LRRC53: variants seen among roughly 807,000 people sequenced by gnomAD.
LRRC53 encodes leucine rich repeat containing 53, also known as leucine-rich repeat-containing protein 53.
LRRC53 carries 25 observed loss-of-function variants against 13.6 expected under a neutral mutation model. The ratio of observed to expected loss-of-function variants is 1.83; its 90% CI spans 1.34 to 2.56. LRRC53 has a LOEUF of 2.56. Among genes scored for constraint, LRRC53 ranks in the 30% most tolerant of loss-of-function variants. The probability of loss-of-function intolerance (pLI) is 0.00; values close to 1 mark genes in which losing one functional copy is unlikely to be tolerated. For missense variants in LRRC53, 527 were observed against 275.8 expected, an observed-to-expected ratio of 1.91 and a Z score of -6.45; for synonymous variants, 204 against 109.8, an observed-to-expected ratio of 1.86 and a Z score of -5.37.
intron 1 of LRRC53, among the ~76,000 whole-genome samples, chr1:74,501,782 C>T (rs1022184431): frequency 6.6e-6 from 1 of 151,986 alleles, no homozygotes; most frequent in Admixed American, 6.6e-5. Context: ...CCACCGCATC[C>T]GGCCAACTTG....
chr1:74,505,702 C>A (rs1316215993), intron 1 of LRRC53, among the ~76,000 whole-genome samples: 1 of 152,148 alleles, frequency 6.6e-6, no homozygotes, highest in Non-Finnish European at 1.5e-5. Context: ...GTTGTCATTT[C>A]TCATTATCTC....
chr1:74,480,863 C>T lies in LRRC53; in HGVS notation c.194G>A (p.Ser65Asn), dbSNP rs752133437. 24 of 717,340 alleles carry T rather than the reference C, an allele frequency of 3.3e-5. 1 individual carries two copies. In the South Asian group the frequency reaches 3.6e-4, roughly 11 times the overall value. The allele number at this position is 717,340 out of a possible 1,614,324, so 44.4% of individuals were successfully genotyped here. Residue 65 changes from serine to asparagine, a missense_variant, in exon 3 of 5, where the codon AGC becomes AAC. Ser to Asn is a conservative substitution (Grantham distance 46). Coordinates refer to ENST00000294635, the MANE Select transcript of LRRC53 (RefSeq NM_001382280.1). ...LLFNLALLSL[S>N]RNGIEDVQED... Reference sequence around the variant, plus strand: ...CTGAACATCCTCGATACCATTTCTGCTTAGGGAGAGCAGGGCAAGATTAAA... The same window carrying T: ...CTGAACATCCTCGATACCATTTCTGTTTAGGGAGAGCAGGGCAAGATTAAA...
chr1:74,525,556 TA>T, the LRRC53 span, among the ~76,000 whole-genome samples: 1 of 152,178 alleles, frequency 6.6e-6, no homozygotes, highest in Non-Finnish European at 1.5e-5. Flanking sequence ...AATTTATTTT[TA>T]AAATAAGTGT....
chr1:74,531,036 C>A, the LRRC53 span, among the ~76,000 whole-genome samples: 2 of 152,134 alleles, frequency 1.3e-5, no homozygotes, highest in East Asian at 3.9e-4. Context: ...ATGGGGGAAG[C>A]TGAGACCTTG....
chr1:74,522,343 G>A, the LRRC53 span, among the ~76,000 whole-genome samples: 1 of 152,140 alleles, frequency 6.6e-6, no homozygotes, highest in Non-Finnish European at 1.5e-5. Flanking sequence ...AAGGCAGTGA[G>A]TTCCTAGCAT....
chr1:74,525,258 T>G, the LRRC53 span, among the ~76,000 whole-genome samples: 1 of 152,184 alleles, frequency 6.6e-6, no homozygotes, highest in African/African-American at 2.4e-5. Context: ...CTCCTGTGTG[T>G]TAGGGATTCT....
At chr1:74,481,859 G>A (rs1422038977) in intron 2 of LRRC53, among the ~76,000 whole-genome samples, 2 of 152,160 alleles carry the variant, frequency 1.3e-5, no homozygotes, top group African/African-American at 2.4e-5. Context: ...GTCACTGGGA[G>A]GTCTATAGGT....
chr1:74,476,410 C>T (rs991962644), intron 3 of LRRC53, among the ~76,000 whole-genome samples: 1 of 151,976 alleles, frequency 6.6e-6, no homozygotes, highest in Non-Finnish European at 1.5e-5. Context: ...GTTTTTTCAC[C>T]CTTATGAGGT....
rs115641293 is a variant in LRRC53, at chr1:74,488,303, G to A, written c.-26-4928C>T. Among the ~76,000 whole-genome samples, 1,142 of 152,206 alleles carry A rather than the reference G, an allele frequency of 7.5e-3. 10 individuals carry two copies. The highest frequency in any genetic ancestry group is 0.012 in the South Asian group (57 of 4,826). On this transcript the variant is annotated intron_variant, in intron 1 of 4. Coordinates refer to ENST00000294635, the MANE Select transcript of LRRC53 (RefSeq NM_001382280.1). The stretch of plus-strand genomic sequence containing the variant: ...CCCCACCAACCTAGAGATACAAGGA[G>A]TATGTGAGAGGAAACAGCTTATAAG...
At chr1:74,528,943 G>A in the LRRC53 span, among the ~76,000 whole-genome samples, 2 of 152,136 alleles carry the variant, frequency 1.3e-5, no homozygotes, top group African/African-American at 4.8e-5. Context: ...GCACCAGAAA[G>A]GAGAAAGATA....
At chr1:74,509,815 C>T (rs1377431334) in intron 1 of LRRC53, among the ~76,000 whole-genome samples, 4 of 113,072 alleles carry the variant, frequency 3.5e-5, no homozygotes, top group African/African-American at 6.9e-5. Context: ...TACAGTTGTG[C>T]GATTATGGCT....
the LRRC53 span, among the ~76,000 whole-genome samples, chr1:74,534,655 T>C: frequency 6.6e-6 from 1 of 152,200 alleles, no homozygotes; most frequent in African/African-American, 2.4e-5. Context: ...AATATATCTC[T>C]TTGGATTAAA....
At chr1:74,521,183 T>C in the LRRC53 span, among the ~76,000 whole-genome samples, 1 of 152,262 alleles carries the variant, frequency 6.6e-6, no homozygotes, top group South Asian at 2.1e-4. Context: ...GTATTGTAGT[T>C]ATAAGGAGCA....
At chr1:74,506,861 G>A (rs938523175) in intron 1 of LRRC53, among the ~76,000 whole-genome samples, 10 of 151,874 alleles carry the variant, frequency 6.6e-5, no homozygotes, top group African/African-American at 2.2e-4. Context: ...TCTTACACTT[G>A]ATGGAAAGAT....
At chr1:74,515,599 G>C (rs1646337963), upstream of LRRC53, among the ~76,000 whole-genome samples, 1 of 152,122 alleles carries the variant, frequency 6.6e-6, no homozygotes, top group African/African-American at 2.4e-5. Flanking sequence ...AGTAATTGAG[G>C]TCAGACATAA....
At chr1:74,504,649 T>A (rs1490301883) in intron 1 of LRRC53, among the ~76,000 whole-genome samples, 1 of 152,088 alleles carries the variant, frequency 6.6e-6, no homozygotes, top group South Asian at 2.1e-4. Context: ...AAAAAAAATT[T>A]AAGTACCTGG....
At chr1:74,501,180 T>A (rs1669604456) in intron 1 of LRRC53, among the ~76,000 whole-genome samples, 2 of 152,230 alleles carry the variant, frequency 1.3e-5, no homozygotes, top group South Asian at 4.1e-4. Flanking sequence ...TTACTTTCTC[T>A]ATCCTGCTTT....
intron 1 of LRRC53, among the ~76,000 whole-genome samples, chr1:74,496,416 T>C (rs1669328303): frequency 6.6e-6 from 1 of 152,160 alleles, no homozygotes; most frequent in Admixed American, 6.6e-5. Context: ...AGTATAGCAT[T>C]ATGATTTTGA....
chr1:74,479,344 G>A (rs1297616299), intron 3 of LRRC53, among the ~76,000 whole-genome samples: 1 of 152,210 alleles, frequency 6.6e-6, no homozygotes, highest in East Asian at 1.9e-4. Flanking sequence ...AATGATAGCT[G>A]ATGCATAGTT....
Sources: gnomAD v4.1 joint callset for allele counts (sites outside exome capture counted in the v4.1 genomes callset) on GRCh38, gnomAD v4.1.1 for gene constraint, MANE v1.5 for transcripts, NCBI Gene and HGNC (gene_info 2026-07-23, HGNC 2026-07-21) for gene names.